Variants in CDH12 observed in about 807,000 individuals in gnomAD.
CDH12 encodes cadherin 12.
In CDH12, 41 loss-of-function variants were observed where a neutral mutation model predicts 74.1. The ratio of observed to expected loss-of-function variants is 0.55; its 90% CI spans 0.43 to 0.72. The LOEUF (loss-of-function observed/expected upper bound fraction) is 0.72, where lower values mean the gene tolerates loss of function less well. Ranked by LOEUF, CDH12 falls within the 30% of genes least tolerant of loss-of-function variation. The pLI is 0.00. For missense variants in CDH12, 945 were observed against 977.2 expected (o/e 0.97, Z 0.44); for synonymous variants, 399 against 355.0 (o/e 1.12, Z -1.39).
chr5:22,184,885 G>A (rs1023704280), intron 4 of CDH12, among the ~76,000 whole-genome samples: 1 of 152,156 alleles, frequency 6.6e-6, no homozygotes, highest in African/African-American at 2.4e-5. Flanking sequence ...AAGGGTGAAA[G>A]TGCAGGTTTG....
At chr5:22,024,635 C>G (rs1738225172) in intron 5 of CDH12, among the ~76,000 whole-genome samples, 1 of 152,262 alleles carries the variant, frequency 6.6e-6, no homozygotes, top group South Asian at 2.1e-4. Flanking sequence ...GCCCCAGCCT[C>G]CCAGGTAGCT....
chr5:22,032,849 G>A (rs1490547384), intron 5 of CDH12, among the ~76,000 whole-genome samples: 3 of 148,610 alleles, frequency 2.0e-5, no homozygotes, highest in Non-Finnish European at 4.5e-5. Context: ...CACACACAAA[G>A]GAAGGACTCC....
chr5:22,678,044 T>C (rs1301214990), intron 1 of CDH12, among the ~76,000 whole-genome samples: 9 of 135,212 alleles, frequency 6.7e-5, no homozygotes, highest in South Asian at 2.6e-4. Flanking sequence ...ACCATCCTCA[T>C]GGGGGGGGGG....
intron 3 of CDH12, among the ~76,000 whole-genome samples, chr5:22,372,581 G>A (rs72744838): frequency 0.059 from 9,036 of 152,174 alleles, 380 homozygotes; most frequent in South Asian, 0.16. Flanking sequence ...TTGAGCCCCC[G>A]AAGGACTGCC....
chr5:21,802,593 C>CTTTTTTTTTTTTTTTTTTTT (rs35742047), intron 9 of CDH12, among the ~76,000 whole-genome samples, 173 bp from the exon 10 acceptor site: 1 of 120,194 alleles, frequency 8.3e-6, no homozygotes, highest in Non-Finnish European at 1.6e-5. Context: ...ATTTTTTTTT[C>CTTTTTTTTTTTTTTTTTTTT]TTTTTTTTTT....
chr5:21,779,652 T>C (rs1745799226), intron 11 of CDH12: 1 of 152,116 alleles, frequency 6.6e-6, no homozygotes, highest in South Asian at 2.1e-4. Context: ...CACCTGAGAG[T>C]TTTTATAAAA....
At chr5:22,463,036 C>T (rs749366558) in intron 2 of CDH12, among the ~76,000 whole-genome samples, 7 of 151,936 alleles carry the variant, frequency 4.6e-5, no homozygotes, top group Non-Finnish European at 7.4e-5. Context: ...GCAGAGACCA[C>T]GAATTAATAA....
At chr5:22,348,398 C>T (rs1297281470) in intron 3 of CDH12, among the ~76,000 whole-genome samples, 1 of 152,132 alleles carries the variant, frequency 6.6e-6, no homozygotes, top group Non-Finnish European at 1.5e-5. Flanking sequence ...GCTGAACCAA[C>T]AAAATGCAAT....
chr5:22,825,695 G>T (rs11745606), intron 1 of CDH12, among the ~76,000 whole-genome samples: 60,266 of 151,920 alleles, frequency 0.4, 12,489 homozygotes, highest in Admixed American at 0.46. Context: ...TAAGTCCTCT[G>T]TACACAATTG....
chr5:22,308,584 T>G (rs867440150), intron 3 of CDH12, among the ~76,000 whole-genome samples: 1 of 152,306 alleles, frequency 6.6e-6, no homozygotes, highest in Middle Eastern at 3.4e-3. Context: ...TAAAAACCAT[T>G]TAATTGTATA....
chr5:22,380,972 T>C (rs1473597744), intron 3 of CDH12, among the ~76,000 whole-genome samples: 1 of 152,066 alleles, frequency 6.6e-6, no homozygotes, highest in Non-Finnish European at 1.5e-5. Context: ...TCAAGAAATA[T>C]TATACTGTAT....
chr5:21,996,727 T>G (rs1736325150), intron 5 of CDH12, among the ~76,000 whole-genome samples: 1 of 152,190 alleles, frequency 6.6e-6, no homozygotes, highest in Non-Finnish European at 1.5e-5. Context: ...CAAGTTTTGT[T>G]TTCTGATGGT....
chr5:22,769,547 A>T (rs541067951), intron 1 of CDH12, among the ~76,000 whole-genome samples: 1 of 152,072 alleles, frequency 6.6e-6, no homozygotes, highest in South Asian at 2.1e-4. Context: ...GCTTGGAGAT[A>T]GCCTATCGTG....
intron 4 of CDH12, among the ~76,000 whole-genome samples, chr5:22,158,518 T>C (rs1476381568): frequency 6.6e-6 from 1 of 151,994 alleles, no homozygotes; most frequent in Non-Finnish European, 1.5e-5. Flanking sequence ...ACTCACATAA[T>C]GAAAGATTAA....
At chr5:22,583,617 T>C (rs1740218513) in intron 1 of CDH12, among the ~76,000 whole-genome samples, 1 of 152,114 alleles carries the variant, frequency 6.6e-6, no homozygotes, top group Non-Finnish European at 1.5e-5. Context: ...CCATGATTTT[T>C]AAGAGATAAT....
At chr5:22,483,977 T>C (rs1315123580) in intron 2 of CDH12, among the ~76,000 whole-genome samples, 1 of 150,924 alleles carries the variant, frequency 6.6e-6, no homozygotes, top group East Asian at 2.0e-4. Context: ...AACAAACTTC[T>C]TCTAACCGTA....
intron 2 of CDH12, among the ~76,000 whole-genome samples, chr5:22,445,865 T>G (rs1008813332): frequency 6.6e-6 from 1 of 152,094 alleles, no homozygotes; most frequent in Non-Finnish European, 1.5e-5. Context: ...TACCTGCAGT[T>G]CCTCTACATA....
At chr5:22,621,657 T>C (rs1481750737) in intron 1 of CDH12, among the ~76,000 whole-genome samples, 1 of 152,106 alleles carries the variant, frequency 6.6e-6, no homozygotes, top group Non-Finnish European at 1.5e-5. Context: ...AGAAATGTGT[T>C]CATTGATAAC....
rs150991196 is a variant in CDH12 at position 21,899,700 on chromosome 5, G to A, written c.527-44910C>T. On this transcript the variant is annotated intron_variant, in intron 6 of 14. Coordinates refer to ENST00000382254, the MANE Select transcript of CDH12 (RefSeq NM_004061.5). ...TATAGAGGATTAACCTATAACGATT[G>A]AGAAAGTTATTTAAAAGGTTTGTTT... Among the ~76,000 whole-genome samples, 830 of 145,074 alleles carry A rather than the reference G, an allele frequency of 5.7e-3. 5 individuals carry two copies. The highest frequency in any genetic ancestry group is 8.4e-3 in the Non-Finnish European group (547 of 64,936).
Sources: gnomAD v4.1 joint callset for allele counts (sites outside exome capture counted in the v4.1 genomes callset) on GRCh38, gnomAD v4.1.1 for gene constraint, MANE v1.5 for transcripts, NCBI Gene and HGNC (gene_info 2026-07-23, HGNC 2026-07-21) for gene names.